RAP1GDS1: variants seen among roughly 807,000 people sequenced by gnomAD.
RAP1GDS1 encodes Rap1 GTPase-GDP dissociation stimulator 1, also known as RAP1, GTP-GDP dissociation stimulator 1.
Under a neutral mutation model 71.1 loss-of-function variants are expected in RAP1GDS1, and 35 were observed. The observed-to-expected ratio is 0.49, with a 90% CI of 0.38 to 0.65. The LOEUF (loss-of-function observed/expected upper bound fraction) is 0.65. Ranked by LOEUF, RAP1GDS1 falls within the 30% of genes least tolerant of loss-of-function variation. The pLI is 0.00. For missense variants in RAP1GDS1, 663 were observed against 706.1 expected (o/e 0.94, Z 0.69); for synonymous variants, 229 against 243.1 (o/e 0.94, Z 0.54).
chr4:98,425,056 A>T (rs10010718), intron 12 of RAP1GDS1, among the ~76,000 whole-genome samples: 67,500 of 152,054 alleles, frequency 0.44, 16,413 homozygotes, highest in African/African-American at 0.66. Context: ...AACCCCTACA[A>T]GCTAGAAAGG....
At chr4:98,394,636 A>G (rs1471992898) in intron 6 of RAP1GDS1, among the ~76,000 whole-genome samples, 1 of 152,140 alleles carries the variant, frequency 6.6e-6, no homozygotes, top group Non-Finnish European at 1.5e-5. Context: ...AGGATCATAC[A>G]TACAGTCAAG....
chr4:98,272,426 G>T (rs1343646043), intron 1 of RAP1GDS1, among the ~76,000 whole-genome samples: 1 of 152,110 alleles, frequency 6.6e-6, no homozygotes, highest in Non-Finnish European at 1.5e-5. Context: ...AGAAGTGGTA[G>T]TCAGTTGGTG....
At chr4:98,430,674 A>T (rs1410557597) in intron 12 of RAP1GDS1, among the ~76,000 whole-genome samples, 1 of 152,332 alleles carries the variant, frequency 6.6e-6, no homozygotes, top group South Asian at 2.1e-4. Flanking sequence ...TGCAGGTGGC[A>T]TCTGTTATTA....
At chr4:98,421,422 GA>G (rs1325523810) in intron 12 of RAP1GDS1, 28 bp downstream of exon 12, 1 of 1,553,268 alleles carries the variant, frequency 6.4e-7, no homozygotes, top group Non-Finnish European at 8.7e-7. Context: ...CTGTTCACTA[GA>G]AAACTTCAGA....
intron 6 of RAP1GDS1, among the ~76,000 whole-genome samples, chr4:98,401,519 T>C (rs1745404660): frequency 6.6e-6 from 1 of 152,156 alleles, no homozygotes; most frequent in Non-Finnish European, 1.5e-5. Flanking sequence ...ATGAATTAGC[T>C]AAAAGAGCTT....
chr4:98,311,710 C>T (rs1418272169), intron 2 of RAP1GDS1, among the ~76,000 whole-genome samples: 1 of 152,220 alleles, frequency 6.6e-6, no homozygotes, highest in Non-Finnish European at 1.5e-5. Flanking sequence ...GATCCATGCT[C>T]ACGGCAGCGT....
chr4:98,307,844 A>G (rs1436495452), intron 2 of RAP1GDS1, among the ~76,000 whole-genome samples: 1 of 152,176 alleles, frequency 6.6e-6, no homozygotes, highest in Non-Finnish European at 1.5e-5. Flanking sequence ...AAGCCGACTT[A>G]CTGTATTGGG....
rs546269713 is a variant in RAP1GDS1, at chr4:98,429,216, C to T, written c.1441-4720C>T. On this transcript the variant is annotated intron_variant, in intron 12 of 14. Coordinates refer to ENST00000408927, the MANE Select transcript of RAP1GDS1 (RefSeq NM_001100427.2). ...GAGCTTGCAGTGAGCCGAGATGGCA[C>T]CACTGCACTCCAGCCTGGGTAACAG... Among the ~76,000 whole-genome samples, 3 of 150,436 alleles carry T rather than the reference C, an allele frequency of 2.0e-5. No homozygotes were observed. The South Asian group carries it at 6.3e-4, about 32-fold the overall frequency.
intron 2 of RAP1GDS1, among the ~76,000 whole-genome samples, chr4:98,330,315 G>A (rs1470498067): frequency 2.6e-5 from 4 of 152,178 alleles, no homozygotes; most frequent in Admixed American, 6.5e-5. Context: ...ATCATGGCCC[G>A]TTCTCAATGA....
rs554298642 is a variant in RAP1GDS1, at chr4:98,430,698, T to G, written c.1441-3238T>G. Among the ~76,000 whole-genome samples the G allele has an allele frequency of 1.7e-4, 26 of 152,312 alleles. No homozygotes were observed. In the South Asian group the frequency reaches 4.3e-3, roughly 25 times the overall value. On this transcript the variant is annotated intron_variant, in intron 12 of 14. Coordinates refer to ENST00000408927, the MANE Select transcript of RAP1GDS1 (RefSeq NM_001100427.2). ...CATCTGTTATTACACTGGACGTACT[T>G]TGGAAAAATGCTGTTCTAGAATAAG...
At chr4:98,262,470 T>G (rs1722158333) in intron 1 of RAP1GDS1, among the ~76,000 whole-genome samples, 1 of 152,238 alleles carries the variant, frequency 6.6e-6, no homozygotes, top group Admixed American at 6.5e-5. Flanking sequence ...TGACCTAATT[T>G]TTTTACATCA....
intron 1 of RAP1GDS1, among the ~76,000 whole-genome samples, chr4:98,283,817 A>ATTTTTT (rs10582639): frequency 1.6e-4 from 21 of 133,956 alleles, no homozygotes; most frequent in Non-Finnish European, 2.4e-4. Flanking sequence ...TTTCATTGTG[A>ATTTTTT]TTTTTTTTTT....
intron 1 of RAP1GDS1, among the ~76,000 whole-genome samples, chr4:98,285,426 A>T (rs147933339): frequency 1.4e-3 from 213 of 152,316 alleles, no homozygotes; most frequent in African/African-American, 4.8e-3. Context: ...CAGTTTGGCT[A>T]ATGAAAAATG....
At chr4:98,339,440 G>A (rs938516359) in intron 2 of RAP1GDS1, among the ~76,000 whole-genome samples, 3 of 152,182 alleles carry the variant, frequency 2.0e-5, no homozygotes, top group Admixed American at 6.5e-5. Context: ...GGAGAAAGAT[G>A]TTGAATTGAT....
At chr4:98,347,833 G>A (rs1037056546) in intron 3 of RAP1GDS1, among the ~76,000 whole-genome samples, 3 of 152,160 alleles carry the variant, frequency 2.0e-5, no homozygotes, top group Non-Finnish European at 2.9e-5. Context: ...TATTGAGTCA[G>A]AATCCAGCCA....
chr4:98,413,384 C>A (rs1297075389), intron 7 of RAP1GDS1, among the ~76,000 whole-genome samples: 2 of 151,552 alleles, frequency 1.3e-5, no homozygotes, highest in African/African-American at 4.9e-5. Flanking sequence ...CCCCACCCCA[C>A]CACAGTCCCC....
chr4:98,425,184 TACTG>T (rs1176178935), intron 12 of RAP1GDS1, among the ~76,000 whole-genome samples: 2 of 152,084 alleles, frequency 1.3e-5, no homozygotes, highest in South Asian at 2.1e-4. Flanking sequence ...GACAAACAAA[TACTG>T]AGAGAATTCA....
At chr4:98,282,200 G>C (rs1260063417) in intron 1 of RAP1GDS1, among the ~76,000 whole-genome samples, 1 of 152,132 alleles carries the variant, frequency 6.6e-6, no homozygotes, top group Non-Finnish European at 1.5e-5. Flanking sequence ...GCTCCTCTTT[G>C]TACCTCTGGT....
chr4:98,414,690 G>A (rs931226281), intron 7 of RAP1GDS1, among the ~76,000 whole-genome samples: 1 of 151,224 alleles, frequency 6.6e-6, no homozygotes, highest in Non-Finnish European at 1.5e-5. Flanking sequence ...GATTGACTTG[G>A]CGATGCGGGC....
Sources: gnomAD v4.1 joint callset for allele counts (sites outside exome capture counted in the v4.1 genomes callset) on GRCh38, gnomAD v4.1.1 for gene constraint, MANE v1.5 for transcripts, NCBI Gene and HGNC (gene_info 2026-07-23, HGNC 2026-07-21) for gene names.